The following CAPN13 variants were observed in gnomAD, a reference collection of about 807,000 sequenced individuals.
The protein encoded by CAPN13 is calpain 13.
Under a neutral mutation model 98.4 loss-of-function variants are expected in CAPN13, and 90 were observed. The ratio of observed to expected loss-of-function variants is 0.92; its 90% CI spans 0.77 to 1.09. The LOEUF (loss-of-function observed/expected upper bound fraction) is 1.09. CAPN13 is among the 50% of genes least tolerant of loss of function. The probability of loss-of-function intolerance (pLI) is 0.00; values close to 1 mark genes in which losing one functional copy is unlikely to be tolerated. For synonymous variants in CAPN13, 330 were observed against 305.5 expected (o/e 1.08, Z -0.84); for missense variants, 887 against 841.3 (o/e 1.05, Z -0.67).
At chr2:30,736,072 G>A (rs561664288) in intron 18 of CAPN13, among the ~76,000 whole-genome samples, 10 of 152,274 alleles carry the variant, frequency 6.6e-5, no homozygotes, top group East Asian at 3.9e-4. Context: ...AGGGTCTTGC[G>A]TGCCACTCTG....
intron 5 of CAPN13, 89 bp from the exon 6 acceptor site, chr2:30,764,395 C>G (rs1457105806): frequency 4.2e-6 from 6 of 1,441,566 alleles, no homozygotes; most frequent in Non-Finnish European, 5.7e-6. Flanking sequence ...TGCCTATTTC[C>G]CAGGTAAGGG....
intron 20 of CAPN13, among the ~76,000 whole-genome samples, chr2:30,732,220 G>A (rs11887038): frequency 0.065 from 9,970 of 152,226 alleles, 668 homozygotes; most frequent in African/African-American, 0.17. Context: ...AGGGTGATGA[G>A]GAAAAGAGAC....
intron 1 of CAPN13, among the ~76,000 whole-genome samples, chr2:30,804,391 C>G (rs1007928985): frequency 3.9e-5 from 6 of 152,082 alleles, no homozygotes; most frequent in Admixed American, 2.6e-4. Context: ...TTAGTAGAGA[C>G]AGAGTTTCAC....
intron 17 of CAPN13, chr2:30,737,353 T>G (rs1671422851): frequency 6.6e-6 from 1 of 152,450 alleles, no homozygotes; most frequent in South Asian, 2.1e-4. Context: ...AGCGGGGCAA[T>G]GCGTCTCAGG....
chr2:30,772,351 AC>A (rs1673453384), intron 4 of CAPN13, among the ~76,000 whole-genome samples: 2 of 152,326 alleles, frequency 1.3e-5, no homozygotes, highest in Non-Finnish European at 2.9e-5. Flanking sequence ...GCACTGGGTA[AC>A]TTTTGGAAAG....
intron 4 of CAPN13, among the ~76,000 whole-genome samples, chr2:30,774,475 G>A (rs989917482): frequency 6.6e-5 from 10 of 152,170 alleles, no homozygotes; most frequent in Non-Finnish European, 1.5e-4. Flanking sequence ...GATTGAGAAA[G>A]TAGATTTAGT....
chr2:30,786,134 T>C (rs1198758731), intron 2 of CAPN13, among the ~76,000 whole-genome samples: 3 of 152,198 alleles, frequency 2.0e-5, no homozygotes. Flanking sequence ...GAGGACCTCA[T>C]AGCCTCTTAG....
intron 19 of CAPN13, 47 bp downstream of exon 19, chr2:30,734,402 C>T (rs1470333852): frequency 6.7e-7 from 1 of 1,486,956 alleles, no homozygotes; most frequent in Non-Finnish European, 9.4e-7. Flanking sequence ...GGGCATCACC[C>T]CCCTCCCCGG....
chr2:30,733,086 C>T (rs762525792), intron 19 of CAPN13, among the ~76,000 whole-genome samples: 14 of 152,254 alleles, frequency 9.2e-5, no homozygotes, highest in East Asian at 5.8e-4. Context: ...AGGAGCTCAG[C>T]GCCTTGTCAT....
chr2:30,772,085 G>A (rs892633694), intron 4 of CAPN13, among the ~76,000 whole-genome samples: 2 of 152,238 alleles, frequency 1.3e-5, no homozygotes. Context: ...CAGTAATGCT[G>A]ACCAAACTTG....
intron 22 of CAPN13, among the ~76,000 whole-genome samples, chr2:30,729,075 T>C (rs1421207294): frequency 2.6e-5 from 4 of 152,184 alleles, no homozygotes; most frequent in South Asian, 2.1e-4. Flanking sequence ...AGAGAATTCA[T>C]TCAATCAGGC....
intron 1 of CAPN13, among the ~76,000 whole-genome samples, chr2:30,789,910 C>T (rs1674515926): frequency 3.3e-5 from 5 of 152,214 alleles, no homozygotes; most frequent in Admixed American, 6.5e-5. Flanking sequence ...GACCTGGGCC[C>T]TGGGCTCTGT....
intron 9 of CAPN13, 104 bp downstream of exon 9, chr2:30,754,186 G>A (rs1672320852): frequency 2.2e-6 from 2 of 921,764 alleles, no homozygotes; most frequent in South Asian, 2.2e-5. Flanking sequence ...ACAGGTCTCT[G>A]CAAAGCTATT....
At chr2:30,789,784 T>C (rs1329792104) in intron 1 of CAPN13, among the ~76,000 whole-genome samples, 1 of 152,230 alleles carries the variant, frequency 6.6e-6, no homozygotes, top group Non-Finnish European at 1.5e-5. Flanking sequence ...CATTGTTATT[T>C]TGAGCAGGAA....
chr2:30,760,237 CCTAATGCCCGG>C (rs1672774140), intron 7 of CAPN13, among the ~76,000 whole-genome samples: 1 of 152,212 alleles, frequency 6.6e-6, no homozygotes, highest in Non-Finnish European at 1.5e-5. Context: ...CAGGTACCCG[CCTAATGCCCGG>C]CTAATCTTTT....
At chr2:30,738,626 A>T (rs1344362974) in intron 15 of CAPN13, among the ~76,000 whole-genome samples, 169 bp from the exon 16 acceptor site, 1 of 151,556 alleles carries the variant, frequency 6.6e-6, no homozygotes, top group Non-Finnish European at 1.5e-5. Flanking sequence ...CATAGTAGTG[A>T]CTCCCTCCCC....
intron 2 of CAPN13, 46 bp from the exon 3 acceptor site, chr2:30,777,685 G>C: frequency 2.8e-6 from 4 of 1,412,172 alleles, no homozygotes; most frequent in Non-Finnish European, 3.9e-6. Context: ...TTATTCCTTT[G>C]TATCCCAAAG....
At chr2:30,780,538 A>G (rs1269623091) in intron 2 of CAPN13, among the ~76,000 whole-genome samples, 1 of 151,960 alleles carries the variant, frequency 6.6e-6, no homozygotes, top group Non-Finnish European at 1.5e-5. Flanking sequence ...ATGATTTACT[A>G]GAACAATAAA....
intron 17 of CAPN13, chr2:30,737,633 T>C (rs61259586): frequency 0.1 from 16,484 of 158,820 alleles, 1,281 homozygotes; most frequent in African/African-American, 0.22. Flanking sequence ...AACTGCTGTG[T>C]AGACCAGGCA....
Sources: allele counts gnomAD v4.1 joint callset (sites outside exome capture counted in the v4.1 genomes callset), GRCh38; gene constraint gnomAD v4.1.1; transcripts MANE v1.5; gene names NCBI Gene and HGNC (gene_info 2026-07-23, HGNC 2026-07-21).